GLYATL1: variants seen among roughly 807,000 people sequenced by gnomAD.
The protein encoded by GLYATL1 is glycine-N-acyltransferase like 1.
In GLYATL1, 15 loss-of-function variants were observed where a neutral mutation model predicts 20.0. The observed-to-expected ratio is 0.75, with a 90% confidence interval of 0.50 to 1.15. GLYATL1 has a LOEUF of 1.15. Among genes scored for constraint, GLYATL1 ranks in the 50% most tolerant of loss-of-function variants. The pLI is 0.00. For synonymous variants in GLYATL1, 151 were observed against 131.5 expected (o/e 1.15, Z -1.01); for missense variants, 380 against 368.5 (o/e 1.03, Z -0.26).
chr11:58,921,657 C>T lies in GLYATL1; in HGVS notation n.264+15996C>T, dbSNP rs77416333. 9.4e-3 allele frequency among the ~76,000 whole-genome samples: 1,427 copies of T among 152,294 alleles called. 29 individuals carry two copies. Among genetic ancestry groups the T allele is most frequent in the East Asian group, 0.058 (299 of 5,180 alleles). ...TTTCCAGACCAGCCTCTTCCATGACCGCATCCATGACCCCTTGCAAAGCCA... is the reference window on the plus strand; with the variant it reads ...TTTCCAGACCAGCCTCTTCCATGACTGCATCCATGACCCCTTGCAAAGCCA... On this transcript the variant is annotated intron_variant and non_coding_transcript_variant, in intron 1 of 2. Transcript: ENST00000534674.
At chr11:58,945,194 G>A (rs970457513) in intron 2 of GLYATL1, among the ~76,000 whole-genome samples, 15 of 151,916 alleles carry the variant, frequency 9.9e-5, no homozygotes, top group African/African-American at 1.5e-4. Flanking sequence ...TGCATTGTAC[G>A]CTTAAAAATG....
At chr11:58,941,313 A>G (rs1856131940) in intron 1 of GLYATL1, among the ~76,000 whole-genome samples, 1 of 150,958 alleles carries the variant, frequency 6.6e-6, no homozygotes, top group African/African-American at 2.4e-5. Context: ...TCCTTGTGAT[A>G]GTTTACTGAG....
chr11:58,928,703 A>T (rs1855497076), intron 1 of GLYATL1: 1 of 152,256 alleles, frequency 6.6e-6, no homozygotes, highest in Non-Finnish European at 1.5e-5. Context: ...GCTTGCCCTG[A>T]GTAGCTCAGA....
chr11:58,951,588 C>T (rs990653580), intron 4 of GLYATL1, among the ~76,000 whole-genome samples: 2 of 152,070 alleles, frequency 1.3e-5, no homozygotes, highest in Non-Finnish European at 1.5e-5. Flanking sequence ...CATTTTTCGA[C>T]AATTTTGGAA....
At chr11:58,937,306 C>T (rs1183540913), upstream of GLYATL1, among the ~76,000 whole-genome samples, 1 of 152,196 alleles carries the variant, frequency 6.6e-6, no homozygotes, top group Non-Finnish European at 1.5e-5. Context: ...CTCCTTTGGA[C>T]CTTCAGGAGG....
intron 1 of GLYATL1, chr11:58,917,209 C>T (rs936298912): frequency 4.6e-5 from 7 of 152,500 alleles, no homozygotes; most frequent in African/African-American, 1.7e-4. Context: ...CTCCTTCAGA[C>T]CTGGGGCATC....
At chr11:58,907,534 C>G (rs917191658) in exon 2 of GLYATL1, 1 of 362,462 alleles carries the variant, frequency 2.8e-6, no homozygotes, top group African/African-American at 2.1e-5. Context: ...CCCTGTTACT[C>G]CATTTTGGCC....
chr11:58,937,444 T>C (rs185372542), upstream of GLYATL1, among the ~76,000 whole-genome samples: 1 of 152,212 alleles, frequency 6.6e-6, no homozygotes, highest in Admixed American at 6.5e-5. Flanking sequence ...GAGAAAAAAA[T>C]TCCCCAAGAT....
At chr11:58,907,381 T>C (rs1473843704) in exon 2 of GLYATL1, 1 of 456,198 alleles carries the variant, frequency 2.2e-6, no homozygotes, top group African/African-American at 2.0e-5. Context: ...GGTAGTCTGC[T>C]GGAGTGGAAT....
chr11:58,944,353 A>C (rs951128708), intron 2 of GLYATL1, among the ~76,000 whole-genome samples: 1 of 152,216 alleles, frequency 6.6e-6, no homozygotes, highest in African/African-American at 2.4e-5. Context: ...AGGCATGTAC[A>C]GAATTGTGGT....
At chr11:58,931,170 C>T (rs552963161) in intron 1 of GLYATL1, among the ~76,000 whole-genome samples, 1 of 152,140 alleles carries the variant, frequency 6.6e-6, no homozygotes. Context: ...AAGATCTGTT[C>T]CAGGACTCTC....
chr11:58,943,439 T>A, intron 1 of GLYATL1, 104 bp from the exon 2 acceptor site: 2 of 1,527,862 alleles, frequency 1.3e-6, no homozygotes, highest in Non-Finnish European at 1.8e-6. Flanking sequence ...CCCCGGAGCC[T>A]CGGTGAATCT....
At chr11:58,909,768 A>G (rs1051363112), downstream of GLYATL1, among the ~76,000 whole-genome samples, 19 of 152,202 alleles carry the variant, frequency 1.2e-4, no homozygotes, top group African/African-American at 4.6e-4. Flanking sequence ...TATCAATAAG[A>G]GCTCTCCATA....
intron 1 of GLYATL1, among the ~76,000 whole-genome samples, chr11:58,929,210 C>T (rs1048966710): frequency 1.3e-5 from 2 of 152,194 alleles, no homozygotes; most frequent in African/African-American, 4.8e-5. Flanking sequence ...GCATTCAGTC[C>T]TATCCCATTA....
At position 58,940,679 on chromosome 11, in the gene GLYATL1, G is replaced by A. The variant is rs545948621; in HGVS notation, c.-167+1029G>A. ...GTTGTCAGCATACATTTTTGTCTGG[G>A]TTTTGTATTTGTTTCTGCTAGATAT... On this transcript the variant is annotated intron_variant, in intron 1 of 6. Coordinates refer to ENST00000532726, the MANE Select transcript of GLYATL1 (RefSeq NM_001389712.2). Among the ~76,000 whole-genome samples, 88 of 152,234 alleles carry A rather than the reference G, an allele frequency of 5.8e-4. 2 individuals are homozygous for A. The highest frequency in any genetic ancestry group is 1.9e-3 in the African/African-American group (78 of 41,536).
At chr11:58,919,103 C>T (rs902103182) in intron 1 of GLYATL1, among the ~76,000 whole-genome samples, 13 of 152,212 alleles carry the variant, frequency 8.5e-5, no homozygotes, top group Non-Finnish European at 1.2e-4. Context: ...AGGTTTGAAA[C>T]GGTATACAGT....
upstream of GLYATL1, among the ~76,000 whole-genome samples, chr11:58,923,069 T>C (rs1855346269): frequency 6.6e-6 from 1 of 152,198 alleles, no homozygotes; most frequent in Non-Finnish European, 1.5e-5. Flanking sequence ...CTCAATAATT[T>C]TCTTCCTATT....
At chr11:58,954,389 C>T (rs1857227343) in intron 4 of GLYATL1, among the ~76,000 whole-genome samples, 1 of 152,088 alleles carries the variant, frequency 6.6e-6, no homozygotes, top group African/African-American at 2.4e-5. Context: ...GCAATTGTTG[C>T]ATTTTTTTAT....
At chr11:58,906,946 T>C (rs1854905294) in intron 1 of GLYATL1, among the ~76,000 whole-genome samples, 1 of 152,058 alleles carries the variant, frequency 6.6e-6, no homozygotes, top group South Asian at 2.1e-4. Flanking sequence ...TCAGAGTCTG[T>C]GAAGGTGGGA....
Sources: allele counts gnomAD v4.1 joint callset (sites outside exome capture counted in the v4.1 genomes callset), GRCh38; gene constraint gnomAD v4.1.1; transcripts MANE v1.5; gene names NCBI Gene and HGNC (gene_info 2026-07-23, HGNC 2026-07-21).